Variants in SUN1 observed in about 807,000 individuals in gnomAD.
SUN1 encodes the protein Sad1 and UNC84 domain containing 1.
A neutral mutation model predicts 103.2 loss-of-function variants in SUN1; 61 were observed. The observed-to-expected ratio is 0.59, with a 90% CI of 0.48 to 0.73. SUN1 has a LOEUF of 0.73. Ranked by LOEUF, SUN1 falls within the 30% of genes least tolerant of loss-of-function variation. The pLI is 0.00. For missense variants in SUN1, 1,052 were observed against 1,034.6 expected, an observed-to-expected ratio of 1.02 and a Z score of -0.23; for synonymous variants, 490 against 425.7, an observed-to-expected ratio of 1.15 and a Z score of -1.86.
chr7:863,744 C>G (rs1001376815), intron 15 of SUN1, among the ~76,000 whole-genome samples: 2 of 152,160 alleles, frequency 1.3e-5, no homozygotes, highest in Non-Finnish European at 2.9e-5. Flanking sequence ...TGGGTGACAC[C>G]AGGCTCAATC....
upstream of SUN1, among the ~76,000 whole-genome samples, chr7:829,722 CT>C (rs1562525306): frequency 2.0e-5 from 3 of 152,130 alleles, no homozygotes; most frequent in African/African-American, 7.2e-5. Flanking sequence ...GCCCAGCTAA[CT>C]TTTTGTATTT....
chr7:848,443 G>C, intron 5 of SUN1: 1 of 1,361,390 alleles, frequency 7.3e-7, no homozygotes, highest in Non-Finnish European at 9.8e-7. Flanking sequence ...ACGTGAATAG[G>C]ATTTTGTGGC....
intron 1 of SUN1, 54 bp downstream of exon 1, chr7:832,655 G>A (rs542371958): frequency 1.1e-5 from 16 of 1,454,602 alleles, no homozygotes; most frequent in South Asian, 4.7e-5. Flanking sequence ...ACTCGCTGTC[G>A]CGGTGGCGTG....
intron 11 of SUN1, among the ~76,000 whole-genome samples, chr7:855,419 C>G (rs1297838508): frequency 6.6e-6 from 1 of 152,214 alleles, no homozygotes; most frequent in Non-Finnish European, 1.5e-5. Context: ...AAGGCCGGGA[C>G]CATTTGTTGC....
chr7:835,196 C>T (rs537823471), intron 1 of SUN1, among the ~76,000 whole-genome samples: 3 of 152,386 alleles, frequency 2.0e-5, no homozygotes, highest in East Asian at 1.9e-4. Flanking sequence ...GCGGGTCTTC[C>T]GCCCCCACCC....
At chr7:829,771 G>A (rs1044105922), upstream of SUN1, among the ~76,000 whole-genome samples, 1 of 151,918 alleles carries the variant, frequency 6.6e-6, no homozygotes, top group Non-Finnish European at 1.5e-5. Context: ...AGCCAGGATG[G>A]TCTCGATCTC....
intron 5 of SUN1, among the ~76,000 whole-genome samples, chr7:845,448 G>A (rs935872160): frequency 2.6e-5 from 4 of 152,116 alleles, no homozygotes; most frequent in African/African-American, 4.8e-5. Context: ...CTAGTGTATC[G>A]CCCTGTATTA....
chr7:822,060 T>C (rs78733180), intron 1 of SUN1, among the ~76,000 whole-genome samples: 17,090 of 152,244 alleles, frequency 0.11, 1,182 homozygotes, highest in South Asian at 0.23. Context: ...ACTTGATTTA[T>C]AGATAGAGGA....
intron 10 of SUN1, among the ~76,000 whole-genome samples, chr7:854,140 G>A (rs1478460106): frequency 6.6e-6 from 1 of 152,220 alleles, no homozygotes; most frequent in Non-Finnish European, 1.5e-5. Context: ...GTTCAGAACC[G>A]TTGCGTGAAA....
chr7:839,021 C>G, intron 2 of SUN1, 35 bp downstream of exon 2: 2 of 1,489,746 alleles, frequency 1.3e-6, no homozygotes, highest in Non-Finnish European at 1.8e-6. Flanking sequence ...CATCTGATCT[C>G]TAACACCAGT....
chr7:856,557 C>T (rs1020613544), intron 12 of SUN1, among the ~76,000 whole-genome samples, 156 bp downstream of exon 12: 3 of 152,214 alleles, frequency 2.0e-5, no homozygotes, highest in African/African-American at 7.2e-5. Flanking sequence ...TCCTGCTGGG[C>T]TGCGTGAGGA....
intron 6 of SUN1, 82 bp downstream of exon 6, chr7:851,564 T>TA (rs1451680997): frequency 4.2e-6 from 5 of 1,200,204 alleles, no homozygotes; most frequent in Non-Finnish European, 6.0e-6. Context: ...CCTAACCAAG[T>TA]AAAAATCTCA....
chr7:844,361 G>A (rs538085154), intron 5 of SUN1, among the ~76,000 whole-genome samples: 1 of 152,338 alleles, frequency 6.6e-6, no homozygotes, highest in Admixed American at 6.5e-5. Flanking sequence ...TGGAGGTGCT[G>A]GAAGCCTCAG....
Position 860,334 on chromosome 7 carries a change from C to A in SUN1, c.1731C>A (p.Ala577=). 3.1e-6 allele frequency: 5 copies of A among 1,614,198 alleles called. No homozygotes were observed. The highest frequency in any genetic ancestry group is 4.2e-6 in the Non-Finnish European group (5 of 1,180,050). The change falls in exon 14 of 19, where the codon GCC becomes GCA. Residue 577 remains alanine (A), a synonymous_variant. Transcript: ENST00000401592. The stretch of plus-strand genomic sequence containing the variant: ...CCAAGCAGCTCCCAACCTCAGAAGC[C>A]GTGGTGTCTGCTGTGAGCGAGGCGG... The part of the protein sequence containing the change: ...SVTKQLPTSE[A]VVSAVSEAGA...
chr7:849,417 C>A, intron 5 of SUN1: 1 of 878,248 alleles, frequency 1.1e-6, no homozygotes, highest in Non-Finnish European at 1.6e-6. Flanking sequence ...GTGGAAGTGG[C>A]TAGCCTTGCA....
At chr7:816,267 C>A (rs1583573691), upstream of SUN1, 1 of 200,024 alleles carries the variant, frequency 5.0e-6, no homozygotes, top group Non-Finnish European at 9.8e-6. Flanking sequence ...GCGGGCCCCT[C>A]CCCCAGATGC....
At chr7:854,683 A>G (rs1825498555) in intron 10 of SUN1, among the ~76,000 whole-genome samples, 1 of 152,228 alleles carries the variant, frequency 6.6e-6, no homozygotes. Flanking sequence ...GTGGAGACCC[A>G]TGGCCCAGGC....
At chr7:828,262 T>G (rs9639281), upstream of SUN1, among the ~76,000 whole-genome samples, 8 of 120,882 alleles carry the variant, frequency 6.6e-5, no homozygotes, top group East Asian at 2.5e-4. Flanking sequence ...TTGTTTTTGT[T>G]TTTTGTTTTT....
intron 17 of SUN1, 111 bp downstream of exon 17, chr7:869,627 C>T: frequency 3.1e-6 from 4 of 1,302,716 alleles, no homozygotes; most frequent in Admixed American, 2.4e-5. Flanking sequence ...TGCCCCTCCG[C>T]CCTCTCTCAG....
Sources: gnomAD v4.1 joint callset for allele counts (sites outside exome capture counted in the v4.1 genomes callset) on GRCh38, gnomAD v4.1.1 for gene constraint, MANE v1.5 for transcripts, NCBI Gene and HGNC (gene_info 2026-07-23, HGNC 2026-07-21) for gene names.